The following LRRK2 variants were observed in gnomAD, a reference collection of about 807,000 sequenced individuals.
LRRK2 encodes the protein leucine-rich repeat serine/threonine-protein kinase 2.
A neutral mutation model predicts 302.6 loss-of-function variants in LRRK2; 203 were observed. The ratio of observed to expected loss-of-function variants is 0.67; its 90% CI spans 0.60 to 0.75. The LOEUF is 0.75. LRRK2 is among the 30% of genes least tolerant of loss of function. The pLI is 0.00. For missense variants in LRRK2, 2,830 were observed against 2,951.0 expected, an observed-to-expected ratio of 0.96 and a Z score of 0.95; for synonymous variants, 1,066 against 1,031.9, an observed-to-expected ratio of 1.03 and a Z score of -0.63.
rs1424353107 is a variant in LRRK2, at chr12:40,306,066, T to C, written c.3959+100T>C. On this transcript the variant is annotated intron_variant, in intron 28 of 50. Transcript: ENST00000298910. ...TATATTGTTACTATTTAGGGAAAAA[T>C]AAATAGTAATATTTGGCATTAATAT... The C allele has an allele frequency of 9.9e-6, 9 of 910,366 alleles. No individual in the cohort carries two copies. In the African/African-American group the frequency reaches 1.5e-4, roughly 15 times the overall value. 56.4% of individuals were successfully genotyped at this position (910,366 alleles called of 1,614,324 possible).
chr12:40,338,065 A>C (rs17491473), intron 40 of LRRK2, among the ~76,000 whole-genome samples: 5,855 of 152,296 alleles, frequency 0.038, 373 homozygotes, highest in African/African-American at 0.13. Flanking sequence ...GGTGCTAAAG[A>C]GGGAAAGCTA....
chr12:40,322,591 C>A, intron 37 of LRRK2, 81 bp downstream of exon 37: 2 of 1,291,540 alleles, frequency 1.5e-6, no homozygotes, highest in Non-Finnish European at 2.2e-6. Context: ...TGTAAATATT[C>A]TTATCCATAA....
intron 50 of LRRK2, 165 bp downstream of exon 50, chr12:40,367,242 C>T (rs951329449): frequency 4.8e-6 from 3 of 620,750 alleles, no homozygotes; most frequent in Non-Finnish European, 8.4e-6. Context: ...TTCAAAATTA[C>T]AAGTGATATG....
intron 32 of LRRK2, among the ~76,000 whole-genome samples, 194 bp from the exon 33 acceptor site, chr12:40,315,018 T>C (rs1945169739): frequency 6.6e-6 from 1 of 152,108 alleles, no homozygotes; most frequent in South Asian, 2.1e-4. Context: ...TCATTTTATG[T>C]AGTTTAAAAA....
chr12:40,237,128 T>G (rs1180039089), intron 4 of LRRK2, among the ~76,000 whole-genome samples: 2 of 152,054 alleles, frequency 1.3e-5, no homozygotes, highest in Non-Finnish European at 2.9e-5. Flanking sequence ...AAAAAATGTT[T>G]AGTGAGGAGC....
chr12:40,323,402 T>C, intron 38 of LRRK2, 96 bp downstream of exon 38: 1 of 1,043,084 alleles, frequency 9.6e-7, no homozygotes, highest in East Asian at 2.6e-5. Context: ...TCATAGATTT[T>C]ACTGTCTTCA....
chr12:40,316,625 A>G (rs897118797), intron 33 of LRRK2, among the ~76,000 whole-genome samples: 1 of 152,096 alleles, frequency 6.6e-6, no homozygotes, highest in African/African-American at 2.4e-5. Context: ...AAGGAAAATA[A>G]CAATTATCTT....
At chr12:40,280,244 G>A (rs1943630166) in intron 18 of LRRK2, among the ~76,000 whole-genome samples, 1 of 150,780 alleles carries the variant, frequency 6.6e-6, no homozygotes, top group Non-Finnish European at 1.5e-5. Flanking sequence ...TGAGCCAGGA[G>A]TTCGAGACCA....
chr12:40,302,729 G>T, intron 25 of LRRK2, 60 bp from the exon 26 acceptor site: 3 of 1,181,308 alleles, frequency 2.5e-6, no homozygotes, highest in South Asian at 1.2e-5. Flanking sequence ...TCTTATTTTT[G>T]AATTTAATGG....
chr12:40,367,229 A>G (rs528500644), intron 50 of LRRK2, 152 bp downstream of exon 50: 2 of 669,652 alleles, frequency 3.0e-6, no homozygotes, highest in African/African-American at 3.7e-5. Flanking sequence ...TTAGACATAA[A>G]TTTTCAAAAT....
chr12:40,301,329 C>T (rs1394362867), intron 25 of LRRK2, among the ~76,000 whole-genome samples: 16 of 152,108 alleles, frequency 1.1e-4, no homozygotes, highest in African/African-American at 3.6e-4. Context: ...GAGGCTGAGG[C>T]AGAAGAATCG....
intron 39 of LRRK2, among the ~76,000 whole-genome samples, chr12:40,333,960 G>A (rs1945792276): frequency 6.6e-6 from 1 of 152,092 alleles, no homozygotes; most frequent in Admixed American, 6.5e-5. Flanking sequence ...GAAGGCCTGG[G>A]GCATGATCAG....
intron 31 of LRRK2, among the ~76,000 whole-genome samples, chr12:40,313,455 G>T (rs1421765027): frequency 6.6e-6 from 1 of 151,922 alleles, no homozygotes; most frequent in Non-Finnish European, 1.5e-5. Flanking sequence ...AACATAGCTT[G>T]AGTGGGATTT....
intron 14 of LRRK2, among the ~76,000 whole-genome samples, chr12:40,274,298 T>C (rs1943358889): frequency 6.6e-6 from 1 of 152,164 alleles, no homozygotes; most frequent in African/African-American, 2.4e-5. Flanking sequence ...GAATTCATCT[T>C]CTAATGGGAG....
intron 35 of LRRK2, among the ~76,000 whole-genome samples, chr12:40,321,753 T>C (rs2136888143): frequency 6.6e-6 from 1 of 152,174 alleles, no homozygotes; most frequent in Admixed American, 6.6e-5. Context: ...TTAAAAATTA[T>C]GAGGATTTAT....
At chr12:40,269,029 A>T (rs1943131405) in intron 14 of LRRK2, among the ~76,000 whole-genome samples, 1 of 152,194 alleles carries the variant, frequency 6.6e-6, no homozygotes, top group Admixed American at 6.6e-5. Context: ...TGGTATATGT[A>T]CATATTAAAA....
At chr12:40,234,440 G>A (rs1178104960) in intron 3 of LRRK2, among the ~76,000 whole-genome samples, 18 of 130,118 alleles carry the variant, frequency 1.4e-4, no homozygotes, top group East Asian at 9.7e-4. Flanking sequence ...GTGCAGTGGC[G>A]TGATCTCGGC....
chr12:40,369,082 A>G lies in LRRK2; in HGVS notation c.*1317A>G, dbSNP rs1341883748. 4.6e-5 allele frequency: 7 copies of G among 151,796 alleles called. No individual in the cohort carries two copies. The highest frequency in any genetic ancestry group is 1.7e-4 in the African/African-American group (7 of 41,400). The allele number at this position is 151,796 out of a possible 1,614,324, so 9.4% of individuals were successfully genotyped here. A position where few individuals can be genotyped will look rare whatever the true frequency, so the allele number is the denominator to read the frequency against. ...ATTAAGGGTAATCAAATTCTTAAAG[A>G]TGAAAGATTTTCTGTATTTTAAAGG... On this transcript the variant is annotated 3_prime_UTR_variant, in exon 51 of 51. Transcript: ENST00000298910.
At chr12:40,352,605 G>GCGGCCTTC (rs1946389369) in intron 44 of LRRK2, among the ~76,000 whole-genome samples, 1 of 151,058 alleles carries the variant, frequency 6.6e-6, no homozygotes, top group Admixed American at 6.6e-5. Flanking sequence ...AGAGGACCCT[G>GCGGCCTTC]CGGCCTTCCG....
Sources: gnomAD v4.1 joint callset for allele counts (sites outside exome capture counted in the v4.1 genomes callset) on GRCh38, gnomAD v4.1.1 for gene constraint, MANE v1.5 for transcripts, NCBI Gene and HGNC (gene_info 2026-07-23, HGNC 2026-07-21) for gene names.